EVL: variants seen among roughly 807,000 people sequenced by gnomAD.
The protein encoded by EVL is ena/VASP-like protein.
Under a neutral mutation model 59.6 loss-of-function variants are expected in EVL, and 21 were observed. The ratio of observed to expected loss-of-function variants is 0.35; its 90% confidence interval spans 0.25 to 0.51. The LOEUF (loss-of-function observed/expected upper bound fraction) is 0.51, where lower values mean the gene tolerates loss of function less well. Among genes scored for constraint, EVL ranks in the 20% least tolerant of loss-of-function variants. The pLI, the probability that EVL is intolerant of heterozygous loss-of-function variation, is 0.97. For synonymous variants in EVL, 198 were observed against 203.5 expected (o/e 0.97, Z 0.23); for missense variants, 462 against 546.6 (o/e 0.85, Z 1.54).
rs1219435531 is a variant in EVL, at chr14:100,107,225, G to A, written c.358+9567G>A. 14 of 398,536 alleles carry A rather than the reference G, an allele frequency of 3.5e-5. No individual in the cohort carries two copies. In the Admixed American group the frequency reaches 3.5e-4, roughly 10 times the overall value. The allele number at this position is 398,536 out of a possible 1,614,324, so 24.7% of individuals were successfully genotyped here. On this transcript the variant is annotated intron_variant, in intron 3 of 13. Transcript: ENST00000392920. ...AACTTACTAGAGTCATCGTGTCATC[G>A]TCTCCCATTACTCCAGGAGAGCAGG... is the stretch of plus-strand genomic sequence containing the variant.
intron 1 of EVL, among the ~76,000 whole-genome samples, chr14:100,034,246 A>G (rs1247174211): frequency 1.3e-5 from 2 of 151,572 alleles, no homozygotes; most frequent in Non-Finnish European, 1.5e-5. Context: ...AAAAAAAAAA[A>G]AAAAGAAAAA....
Position 100,143,851 on chromosome 14 carries a change from C to A in EVL, c.*113C>A. On this transcript the variant is annotated 3_prime_UTR_variant, in exon 14 of 14. Coordinates refer to ENST00000392920, the MANE Select transcript of EVL (RefSeq NM_016337.3). ...CAGAGCACGCACAGGAGCCTGGGCG[C>A]GCTGCTGTGAAACGTCCTGACCTGT... The A allele has an allele frequency of 7.6e-7, 1 of 1,313,492 alleles. No homozygotes were observed. Among genetic ancestry groups the A allele is most frequent in the Non-Finnish European group, 1.1e-6 (1 of 944,532 alleles). 81.4% of individuals were successfully genotyped at this position (1,313,492 alleles called of 1,614,324 possible).
At chr14:100,116,971 C>T (rs980401963) in intron 3 of EVL, among the ~76,000 whole-genome samples, 4 of 152,274 alleles carry the variant, frequency 2.6e-5, no homozygotes, top group South Asian at 4.1e-4. Flanking sequence ...GAAGGGGATT[C>T]GTACAATCCA....
chr14:100,046,999 C>T (rs1173280672), intron 1 of EVL, among the ~76,000 whole-genome samples: 5 of 151,504 alleles, frequency 3.3e-5, no homozygotes, highest in African/African-American at 4.8e-5. Flanking sequence ...ATGATCCACC[C>T]GCCTCGGCCT....
chr14:100,119,038 A>G (rs2140359535), intron 3 of EVL, among the ~76,000 whole-genome samples: 1 of 152,328 alleles, frequency 6.6e-6, no homozygotes, highest in South Asian at 2.1e-4. Flanking sequence ...GAGGTCAGCC[A>G]GGGAACCTAT....
chr14:100,099,348 A>G (rs1595175157), intron 3 of EVL, among the ~76,000 whole-genome samples: 1 of 152,194 alleles, frequency 6.6e-6, no homozygotes, highest in African/African-American at 2.4e-5. Context: ...AGCCTGGACA[A>G]CATAGTGAGA....
At chr14:100,102,428 A>C (rs1199929188) in intron 3 of EVL, 6 of 454,948 alleles carry the variant, frequency 1.3e-5, no homozygotes, top group African/African-American at 2.0e-5. Flanking sequence ...CTTGGCTGTC[A>C]GGTGACATCT....
chr14:100,033,668 G>A (rs2061346906), intron 1 of EVL, among the ~76,000 whole-genome samples: 1 of 152,210 alleles, frequency 6.6e-6, no homozygotes, highest in African/African-American at 2.4e-5. Flanking sequence ...AGTGTAACCT[G>A]CTAAGTACTT....
In EVL at chr14:100,084,586, T is replaced by A. The variant is rs145361040; in HGVS notation, c.12-101T>A. The stretch of plus-strand genomic sequence containing the variant: ...TGGAAGTTCTGGCAATTGGAAAGTT[T>A]CTTTATGTCAAGTAGCAATTGGCCT... On this transcript the variant is annotated intron_variant, in intron 1 of 13. Transcript: ENST00000392920. 9.1e-5 allele frequency: 118 copies of A among 1,292,810 alleles called. No individual in the cohort carries two copies. The African/African-American group carries it at 1.5e-3, about 16-fold the overall frequency. 80.1% of individuals were successfully genotyped at this position (1,292,810 alleles called of 1,614,324 possible).
intron 1 of EVL, among the ~76,000 whole-genome samples, chr14:100,000,568 C>G (rs1253913326): frequency 6.6e-6 from 1 of 151,982 alleles, no homozygotes; most frequent in East Asian, 1.9e-4. Flanking sequence ...AGAATGGTCC[C>G]GATCTCCTGA....
At chr14:100,063,174 G>T (rs2061866406), upstream of EVL, among the ~76,000 whole-genome samples, 1 of 152,206 alleles carries the variant, frequency 6.6e-6, no homozygotes, top group South Asian at 2.1e-4. Flanking sequence ...TGTGGACCTT[G>T]AGATGGAGCG....
chr14:99,996,160 T>A (rs1341499105), intron 1 of EVL, among the ~76,000 whole-genome samples: 3 of 151,984 alleles, frequency 2.0e-5, no homozygotes, highest in Non-Finnish European at 4.4e-5. Context: ...TTTGGGATTT[T>A]TTTTTTTTTT....
At chr14:99,984,337 C>T (rs948792526) in intron 1 of EVL, among the ~76,000 whole-genome samples, 2 of 152,204 alleles carry the variant, frequency 1.3e-5, no homozygotes, top group Admixed American at 6.5e-5. Flanking sequence ...CCCTTAGTAT[C>T]CCAGATGTTT....
chr14:100,133,409 C>T (rs541353625), intron 8 of EVL, among the ~76,000 whole-genome samples: 23 of 152,364 alleles, frequency 1.5e-4, no homozygotes, highest in African/African-American at 4.3e-4. Flanking sequence ...CTACAAATGC[C>T]TTGAAGGTTC....
intron 1 of EVL, among the ~76,000 whole-genome samples, chr14:99,978,333 C>T (rs1179621658): frequency 2.7e-5 from 4 of 150,476 alleles, no homozygotes; most frequent in Non-Finnish European, 4.4e-5. Context: ...ACCCGGGAGG[C>T]GGAGCTTGCA....
In EVL at chr14:100,135,979, G is replaced by GCC; in HGVS notation, c.964+16_964+17dup. On this transcript the variant is annotated intron_variant, in intron 9 of 13. Coordinates refer to ENST00000392920, the MANE Select transcript of EVL (RefSeq NM_016337.3). ...CACCTAACTCCTCAGGTGAGAGGGC[G>GCC]CCCCCCGCTGACCCCAGTGAGGCAT... is the stretch of plus-strand genomic sequence containing the variant. The GCC allele has an allele frequency of 1.2e-6, 2 of 1,613,112 alleles. No homozygotes were observed. Among genetic ancestry groups the GCC allele is most frequent in the South Asian group, 2.2e-5 (2 of 91,068 alleles).
chr14:99,973,345 C>T (rs937365475), intron 1 of EVL, among the ~76,000 whole-genome samples: 1 of 152,190 alleles, frequency 6.6e-6, no homozygotes, highest in Non-Finnish European at 1.5e-5. Flanking sequence ...AATGATATCC[C>T]ATTGTGGTTT....
At chr14:100,087,662 G>C (rs1466432292) in intron 2 of EVL, among the ~76,000 whole-genome samples, 2 of 152,200 alleles carry the variant, frequency 1.3e-5, no homozygotes, top group Admixed American at 6.5e-5. Flanking sequence ...TGAATTAGTA[G>C]AAGTAGAGTG....
Position 100,143,769 on chromosome 14 carries a change from G to A in EVL, c.*31G>A, listed in dbSNP as rs1889355516. On this transcript the variant is annotated 3_prime_UTR_variant, in exon 14 of 14. Transcript: ENST00000392920. ...CGGCCTCGCTGCGCTGATTCGTCGA[G>A]CCCATCCGGCGACAGAGGACAGCCA... 6.2e-7 allele frequency: 1 copy of A among 1,606,590 alleles called. No homozygotes were observed. The highest frequency in any genetic ancestry group is 1.3e-5 in the African/African-American group (1 of 74,924).
Sources: allele counts gnomAD v4.1 joint callset (sites outside exome capture counted in the v4.1 genomes callset), GRCh38; gene constraint gnomAD v4.1.1; transcripts MANE v1.5; gene names NCBI Gene and HGNC (gene_info 2026-07-23, HGNC 2026-07-21).